Variants in COPA observed in about 807,000 individuals in gnomAD.
COPA encodes the protein coat protein complex I subunit alpha, also known as coatomer subunit alpha.
A neutral mutation model predicts 158.7 loss-of-function variants in COPA; 10 were observed. The observed-to-expected ratio is 0.06, with a 90% CI of 0.04 to 0.11. The LOEUF (loss-of-function observed/expected upper bound fraction) is 0.11, where lower values mean the gene tolerates loss of function less well. Ranked by LOEUF, COPA falls within the 10% of genes least tolerant of loss-of-function variation. The pLI is 1.00. For synonymous variants in COPA, 462 were observed against 542.8 expected (o/e 0.85, Z 2.07); for missense variants, 1,065 against 1,536.7 (o/e 0.69, Z 5.13).
At chr1:160,310,129 G>T in intron 12 of COPA, 63 bp downstream of exon 12, 1 of 1,004,076 alleles carries the variant, frequency 1.0e-6, no homozygotes, top group Non-Finnish European at 1.4e-6. Flanking sequence ...GATTCCCTAA[G>T]GGCATAAGAA....
In COPA at chr1:160,297,589, T is replaced by C. The variant is rs1267191574; in HGVS notation, c.2134A>G (p.Asn712Asp). 1 of 1,614,168 alleles carries C rather than the reference T, an allele frequency of 6.2e-7. No individual in the cohort carries two copies. Among genetic ancestry groups the C allele is most frequent in the South Asian group, 1.1e-5 (1 of 91,068 alleles). The change falls in exon 20 of 33, where the codon AAC becomes GAC. Residue 712 changes from asparagine to aspartate, a missense_variant. Asn to Asp is a conservative substitution (Grantham distance 23). This residue lies in a region of COPA where 980 missense variants were observed against 1,357.8 expected (regional missense o/e 0.72). Coordinates refer to ENST00000241704, the MANE Select transcript of COPA (RefSeq NM_004371.4). ...ATCATCTTGCGAAGTTTTTCTAAGT[T>C]GCCAGTGATAAGATACAGGAAGGAA... ...KLSFLYLITG[N>D]LEKLRKMMKI...
chr1:160,325,396 C>A (rs987241650), intron 7 of COPA, 147 bp downstream of exon 7: 1 of 673,532 alleles, frequency 1.5e-6, no homozygotes. Context: ...GGTTCACGCA[C>A]AATTTGATTT....
At chr1:160,304,665 A>G (rs534022868) in intron 17 of COPA, among the ~76,000 whole-genome samples, 3 of 152,280 alleles carry the variant, frequency 2.0e-5, no homozygotes, top group Admixed American at 6.5e-5. Context: ...CAGAAAAAAA[A>G]GAAAAGCAGT....
chr1:160,336,877 T>C (rs1359579231), intron 3 of COPA, among the ~76,000 whole-genome samples: 2 of 151,596 alleles, frequency 1.3e-5, no homozygotes, highest in Non-Finnish European at 1.5e-5. Context: ...CTGAGTTCCT[T>C]AAAGGCAGGG....
chr1:160,329,430 T>C (rs963860282), intron 6 of COPA, among the ~76,000 whole-genome samples: 12 of 152,000 alleles, frequency 7.9e-5, no homozygotes, highest in Non-Finnish European at 1.6e-4. Flanking sequence ...TCTTCTCTGA[T>C]CTAGGGCCCT....
At chr1:160,330,144 CT>C (rs750061462) in intron 6 of COPA, among the ~76,000 whole-genome samples, 1 of 152,044 alleles carries the variant, frequency 6.6e-6, no homozygotes, top group South Asian at 2.1e-4. Context: ...AAAATTGCCC[CT>C]GATCAGCTGG....
At position 160,305,557 on chromosome 1, in the gene COPA, T is replaced by C; in HGVS notation, c.1543A>G (p.Asn515Asp). The C allele has an allele frequency of 1.2e-6, 2 of 1,614,196 alleles. No individual in the cohort carries two copies. Among genetic ancestry groups the C allele is most frequent in the Non-Finnish European group, 1.7e-6 (2 of 1,180,016 alleles). Residue 515 changes from asparagine (N) to aspartate (D), a missense_variant, in exon 17 of 33, where the codon AAC (asparagine) becomes GAC (aspartate). By Grantham distance (23) the Asn-to-Asp change is conservative. Transcript: ENST00000241704. Reference sequence around the variant, plus strand: ...TTACATAAAGCATCCAGTTTGCGGTTACAGATCACAATGGCTGTAAGAGGC... The same window carrying C: ...TTACATAAAGCATCCAGTTTGCGGTCACAGATCACAATGGCTGTAAGAGGC... Reference protein sequence around the residue: ...LLAKHAIVICNRKLDALCNIH... With the variant: ...LLAKHAIVICDRKLDALCNIH...
At chr1:160,340,951 T>G (rs1439541038) in intron 1 of COPA, among the ~76,000 whole-genome samples, 1 of 152,212 alleles carries the variant, frequency 6.6e-6, no homozygotes, top group Non-Finnish European at 1.5e-5. Flanking sequence ...GACCAAGGGA[T>G]TCCCCTCTTC....
chr1:160,307,232 T>C lies in COPA; in HGVS notation c.1233A>G (p.Lys411=). ...AAACGGCTGTCAGGCCTGAGGATCG[T>C]TTCCCTTCAGGCGCTGAGAAGAACA... is the stretch of plus-strand genomic sequence containing the variant. ...DSQNPDAPEG[K]RSSGLTAVWV... The change falls in exon 14 of 33, where the codon AAA becomes AAG. Residue 411 remains lysine (K), a synonymous_variant. Coordinates refer to ENST00000241704, the MANE Select transcript of COPA (RefSeq NM_004371.4). 2 of 1,614,130 alleles carry C rather than the reference T, an allele frequency of 1.2e-6. No individual in the cohort carries two copies. Among genetic ancestry groups the C allele is most frequent in the Non-Finnish European group, 1.7e-6 (2 of 1,179,986 alleles).
intron 6 of COPA, among the ~76,000 whole-genome samples, chr1:160,330,559 CT>C (rs1647463902): frequency 6.6e-6 from 1 of 152,160 alleles, no homozygotes; most frequent in Admixed American, 6.5e-5. Flanking sequence ...CTCCTCTTGT[CT>C]TGTTTCTATG....
intron 7 of COPA, 51 bp downstream of exon 7, chr1:160,325,492 C>T (rs1225118183): frequency 6.9e-7 from 1 of 1,446,562 alleles, no homozygotes; most frequent in South Asian, 1.1e-5. Context: ...CATACTGTGA[C>T]TTTCCCAAGA....
chr1:160,309,263 C>G lies in COPA; in HGVS notation c.1144-87G>C, dbSNP rs913278485. The G allele has an allele frequency of 5.2e-6, 5 of 961,548 alleles. No individual in the cohort carries two copies. In the Admixed American group the frequency reaches 9.0e-5, roughly 17 times the overall value. The allele number at this position is 961,548 out of a possible 1,614,324, so 59.6% of individuals were successfully genotyped here. A position where few individuals can be genotyped will look rare whatever the true frequency, so the allele number is the denominator to read the frequency against. On this transcript the variant is annotated intron_variant, in intron 12 of 32. Transcript: ENST00000241704. ...ATTTACTCTGACAGAGAAAACAGTTCCATTGCACAGACACCAATCTGAAAC... is the reference window on the plus strand; with the variant it reads ...ATTTACTCTGACAGAGAAAACAGTTGCATTGCACAGACACCAATCTGAAAC...
intron 5 of COPA, 141 bp downstream of exon 5, chr1:160,333,462 A>G: frequency 1.8e-6 from 1 of 553,478 alleles, no homozygotes; most frequent in Non-Finnish European, 3.1e-6. Context: ...TTTGCACTTA[A>G]AAGCATCCTA....
Position 160,294,516 on chromosome 1 carries a change from C to T in COPA, c.2644G>A (p.Val882Ile). 1 of 1,614,156 alleles carries T rather than the reference C, an allele frequency of 6.2e-7. No homozygotes were observed. The highest frequency in any genetic ancestry group is 1.3e-5 in the African/African-American group (1 of 75,034). Residue 882 changes from valine to isoleucine, a missense_variant, in exon 25 of 33, where the codon GTA becomes ATA. Transcript: ENST00000241704. Reference protein sequence around the residue: ...KGQEEGGGWDVEEDLELPPEL... With the variant: ...KGQEEGGGWDIEEDLELPPEL... ...GGAGGGAGCTCCAGATCTTCTTCTACATCCCAGCCACCTCCTTCTTCCTGT... is the reference window on the plus strand; with the variant it reads ...GGAGGGAGCTCCAGATCTTCTTCTATATCCCAGCCACCTCCTTCTTCCTGT...
At position 160,297,718 on chromosome 1, in the gene COPA, C is replaced by A; in HGVS notation, c.2005G>T (p.Asp669Tyr). ...EIALEAAKALDDKNCWEKLGE... is the reference protein window; with the variant it reads ...EIALEAAKALYDKNCWEKLGE... ...AGCTTTTCCCAGCAGTTCTTGTCAT[C>A]CAGTGCTTTGGCTGCTTCCAGAGCA... The change falls in exon 20 of 33, where the codon GAT becomes TAT. Residue 669 changes from aspartate (D) to tyrosine (Y), a missense_variant. Coordinates refer to ENST00000241704, the MANE Select transcript of COPA (RefSeq NM_004371.4). 2.5e-6 allele frequency: 4 copies of A among 1,614,102 alleles called. No individual in the cohort carries two copies. Among genetic ancestry groups the A allele is most frequent in the Non-Finnish European group, 3.4e-6 (4 of 1,179,998 alleles).
chr1:160,307,556 AGCAGG>A (rs1658830505), intron 13 of COPA, among the ~76,000 whole-genome samples: 1 of 152,226 alleles, frequency 6.6e-6, no homozygotes, highest in African/African-American at 2.4e-5. Context: ...CAAGCTAACG[AGCAGG>A]GCCTCCCTGG....
intron 13 of COPA, chr1:160,308,876 A>G: frequency 2.2e-6 from 1 of 448,702 alleles, no homozygotes; most frequent in Non-Finnish European, 4.0e-6. Context: ...AGTTTCTAAT[A>G]ACCAAATTAT....
chr1:160,291,892 A>T lies in COPA; in HGVS notation c.3185T>A (p.Val1062Glu). 6.2e-7 allele frequency: 1 copy of T among 1,614,116 alleles called. No homozygotes were observed. Among genetic ancestry groups the T allele is most frequent in the Non-Finnish European group, 8.5e-7 (1 of 1,180,022 alleles). ...QLITICREYI[V>E]GLSVETERKK... ...CCTTTCTGTCTCCACGGACAAACCC[A>T]CAATGTACTCACGGCAAATGGTGAT... Residue 1062 changes from valine to glutamate, a missense_variant, in exon 30 of 33, where the codon GTG becomes GAG. By Grantham distance (121) the Val-to-Glu change is moderately radical. This residue lies in a region of COPA where 980 missense variants were observed against 1,357.8 expected (regional missense o/e 0.72). Transcript: ENST00000241704.
At chr1:160,307,377 T>C in intron 13 of COPA, 132 bp from the exon 14 acceptor site, 1 of 799,266 alleles carries the variant, frequency 1.3e-6, no homozygotes, top group Non-Finnish European at 2.2e-6. Context: ...TCCTAACTAA[T>C]TCAGCCATAA....
Sources: gnomAD v4.1 joint callset for allele counts (sites outside exome capture counted in the v4.1 genomes callset) on GRCh38, gnomAD v4.1.1 for gene constraint, gnomAD v4.1.1 regional missense constraint, MANE v1.5 for transcripts, NCBI Gene and HGNC (gene_info 2026-07-23, HGNC 2026-07-21) for gene names.